The following SYTL2 variants were observed in gnomAD, a reference collection of about 807,000 sequenced individuals.
SYTL2 encodes the protein synaptotagmin-like protein 2.
A neutral mutation model predicts 198.7 loss-of-function variants in SYTL2; 165 were observed. The observed-to-expected ratio is 0.83, with a 90% confidence interval of 0.73 to 0.94. The LOEUF (loss-of-function observed/expected upper bound fraction) is 0.94. Ranked by LOEUF, SYTL2 falls within the 40% of genes least tolerant of loss-of-function variation. The probability of loss-of-function intolerance (pLI) is 0.00; values close to 1 mark genes in which losing one functional copy is unlikely to be tolerated. For synonymous variants in SYTL2, 966 were observed against 917.7 expected, an observed-to-expected ratio of 1.05 and a Z score of -0.95; for missense variants, 2,835 against 2,582.8, an observed-to-expected ratio of 1.10 and a Z score of -2.12.
chr11:85,791,070 G>A (rs1221609315), intron 1 of SYTL2, among the ~76,000 whole-genome samples: 2 of 147,510 alleles, frequency 1.4e-5, no homozygotes, highest in African/African-American at 5.0e-5. Context: ...GGGAGGCGGA[G>A]GCAGGAAAAT....
At chr11:85,744,229 A>C (rs565933885) in intron 4 of SYTL2, among the ~76,000 whole-genome samples, 1 of 152,256 alleles carries the variant, frequency 6.6e-6, no homozygotes, top group Non-Finnish European at 1.5e-5. Context: ...AATGGGCTGC[A>C]CTGGGAATTC....
At chr11:85,710,669 C>G (rs2086094240) in intron 13 of SYTL2, among the ~76,000 whole-genome samples, 1 of 152,162 alleles carries the variant, frequency 6.6e-6, no homozygotes, top group Admixed American at 6.5e-5. Flanking sequence ...CAGATGCCTT[C>G]TAAAAGGCAA....
At chr11:85,846,174 A>G in the SYTL2 span, among the ~76,000 whole-genome samples, 1 of 152,196 alleles carries the variant, frequency 6.6e-6, no homozygotes, top group Non-Finnish European at 1.5e-5. Context: ...CCTCTCCAGC[A>G]TGGTTGTCTC....
chr11:85,790,943 C>A (rs2092719316), intron 1 of SYTL2, among the ~76,000 whole-genome samples: 1 of 151,986 alleles, frequency 6.6e-6, no homozygotes, highest in Admixed American at 6.6e-5. Context: ...GCAGGTAGAT[C>A]ACCTGGGGTC....
chr11:85,695,127 C>T lies in SYTL2; in HGVS notation c.*68G>A. On this transcript the variant is annotated 3_prime_UTR_variant, in exon 20 of 20. Transcript: ENST00000359152. The stretch of plus-strand genomic sequence containing the variant: ...GAAAGTGAGGATATTTGTCCACCTA[C>T]TCAGATTTTCAAGATCAGATTCCAC... The T allele has an allele frequency of 5.3e-6, 8 of 1,505,562 alleles. No individual in the cohort carries two copies. The highest frequency in any genetic ancestry group is 6.3e-6 in the Non-Finnish European group (7 of 1,106,676). 93.3% of individuals were successfully genotyped at this position (1,505,562 alleles called of 1,614,324 possible).
chr11:85,712,880 C>T (rs1269880244), intron 12 of SYTL2, among the ~76,000 whole-genome samples: 2 of 152,098 alleles, frequency 1.3e-5, no homozygotes, highest in East Asian at 3.9e-4. Context: ...CCATGCCCGG[C>T]TAATTTTTTG....
chr11:85,715,676 T>C (rs540881743), intron 11 of SYTL2, among the ~76,000 whole-genome samples: 16 of 152,250 alleles, frequency 1.1e-4, no homozygotes, highest in African/African-American at 2.6e-4. Context: ...CATAGGTAAA[T>C]GCACATCAGA....
chr11:85,837,625 T>C, the SYTL2 span, among the ~76,000 whole-genome samples: 5 of 152,146 alleles, frequency 3.3e-5, no homozygotes, highest in African/African-American at 1.2e-4. Flanking sequence ...CTCCTGATGA[T>C]TGCTGACAAC....
At chr11:85,792,832 T>C (rs2092750004) in intron 1 of SYTL2, among the ~76,000 whole-genome samples, 4 of 150,844 alleles carry the variant, frequency 2.7e-5, no homozygotes, top group Admixed American at 6.6e-5. Context: ...CCTGTGTCCA[T>C]GTGTTCTCAC....
upstream of SYTL2, among the ~76,000 whole-genome samples, chr11:85,813,007 T>C (rs2093055183): frequency 6.6e-6 from 1 of 152,152 alleles, no homozygotes; most frequent in Admixed American, 6.5e-5. Context: ...CCTTGTATCA[T>C]CTGGCATAGG....
intron 1 of SYTL2, among the ~76,000 whole-genome samples, chr11:85,786,343 T>C (rs2092635498): frequency 6.6e-6 from 1 of 152,186 alleles, no homozygotes; most frequent in Non-Finnish European, 1.5e-5. Context: ...TGGCCAGTGA[T>C]GGTTGACACA....
intron 14 of SYTL2, among the ~76,000 whole-genome samples, chr11:85,708,545 T>C (rs2153414604): frequency 6.6e-6 from 1 of 152,356 alleles, no homozygotes; most frequent in East Asian, 1.9e-4. Context: ...CCTAAAGTTC[T>C]GTAAGATATA....
intron 7 of SYTL2, among the ~76,000 whole-genome samples, chr11:85,733,209 A>G (rs1260153566): frequency 6.6e-6 from 1 of 152,238 alleles, no homozygotes; most frequent in Non-Finnish European, 1.5e-5. Flanking sequence ...TGAGATTACA[A>G]GAGAAACCAA....
chr11:85,777,604 T>C (rs2092473180), intron 1 of SYTL2, among the ~76,000 whole-genome samples: 1 of 151,612 alleles, frequency 6.6e-6, no homozygotes, highest in Non-Finnish European at 1.5e-5. Flanking sequence ...GCCCAGGCTC[T>C]GTACACTAAA....
Position 85,694,473 on chromosome 11 carries a change from G to C in SYTL2, c.*722C>G, listed in dbSNP as rs2083160455. Reference sequence around the variant, plus strand: ...TAAGAAAAACAATCATATATATGCAGGGTTTTAAAAAAATAAACTCATAAA... The same window carrying C: ...TAAGAAAAACAATCATATATATGCACGGTTTTAAAAAAATAAACTCATAAA... On this transcript the variant is annotated 3_prime_UTR_variant, in exon 20 of 20. Transcript: ENST00000359152. 6.6e-6 allele frequency: 1 copy of C among 152,110 alleles called. No homozygotes were observed. Among genetic ancestry groups the C allele is most frequent in the Non-Finnish European group, 1.5e-5 (1 of 68,020 alleles). 9.4% of individuals were successfully genotyped at this position (152,110 alleles called of 1,614,324 possible).
At chr11:85,814,472 G>T (rs768657515), upstream of SYTL2, among the ~76,000 whole-genome samples, 1 of 152,202 alleles carries the variant, frequency 6.6e-6, no homozygotes, top group Non-Finnish European at 1.5e-5. Context: ...TGCAGGTAGG[G>T]CATGGGCCTG....
chr11:85,845,639 T>C, the SYTL2 span, among the ~76,000 whole-genome samples: 61 of 152,124 alleles, frequency 4.0e-4, no homozygotes, highest in Middle Eastern at 0.01. Context: ...CCAGGCGTGG[T>C]GGCTCACACC....
chr11:85,802,709 T>A (rs1285745744), intron 1 of SYTL2, among the ~76,000 whole-genome samples: 1 of 152,098 alleles, frequency 6.6e-6, no homozygotes, highest in Non-Finnish European at 1.5e-5. Context: ...GAACTGACAT[T>A]TATTGAATAG....
At chr11:85,702,058 C>T (rs1219532058) in intron 16 of SYTL2, among the ~76,000 whole-genome samples, 1 of 152,122 alleles carries the variant, frequency 6.6e-6, no homozygotes, top group African/African-American at 2.4e-5. Flanking sequence ...AGGAATGGCA[C>T]TGGAAAAACA....
Sources: allele counts gnomAD v4.1 joint callset (sites outside exome capture counted in the v4.1 genomes callset), GRCh38; gene constraint gnomAD v4.1.1; transcripts MANE v1.5; gene names NCBI Gene and HGNC (gene_info 2026-07-23, HGNC 2026-07-21).